The following KPNA3 variants were observed in gnomAD, a reference collection of about 807,000 sequenced individuals.
KPNA3 encodes the protein importin subunit alpha-4.
KPNA3 carries 13 observed loss-of-function variants against 73.8 expected under a neutral mutation model. The ratio of observed to expected loss-of-function variants is 0.18; its 90% CI spans 0.11 to 0.28. The LOEUF (loss-of-function observed/expected upper bound fraction) is 0.28, where lower values mean the gene tolerates loss of function less well. Among genes scored for constraint, KPNA3 ranks in the 10% least tolerant of loss-of-function variants. The pLI is 1.00. For synonymous variants in KPNA3, 186 were observed against 206.9 expected, an observed-to-expected ratio of 0.90 and a Z score of 0.87; for missense variants, 360 against 618.1, an observed-to-expected ratio of 0.58 and a Z score of 4.43.
At position 49,715,113 on chromosome 13, in the gene KPNA3, T is replaced by C. The variant is rs138358653; in HGVS notation, c.772-4091A>G. 3.9e-3 allele frequency among the ~76,000 whole-genome samples: 599 copies of C among 152,230 alleles called. 3 individuals are homozygous for C. Among genetic ancestry groups the C allele is most frequent in the African/African-American group, 0.014 (564 of 41,558 alleles). On this transcript the variant is annotated intron_variant, in intron 10 of 16. Coordinates refer to ENST00000261667, the MANE Select transcript of KPNA3 (RefSeq NM_002267.4). ...TGATAGAACACCCAAAAAAGGAATG[T>C]ATAGATATTTCTCTAACATAAAACA... is the stretch of plus-strand genomic sequence containing the variant.
intron 10 of KPNA3, among the ~76,000 whole-genome samples, chr13:49,713,297 A>AC (rs1954276319): frequency 6.7e-5 from 10 of 148,602 alleles, no homozygotes; most frequent in African/African-American, 2.5e-4. Flanking sequence ...GCAGAGAATA[A>AC]ACACACACAC....
At chr13:49,720,729 C>CAAA (rs10707385) in intron 9 of KPNA3, among the ~76,000 whole-genome samples, 7 of 87,980 alleles carry the variant, frequency 8.0e-5, no homozygotes, top group East Asian at 3.2e-4. Context: ...GAGACTGTCT[C>CAAA]AAAAAAAAAA....
rs371559302 is a variant in KPNA3 at position 49,770,373 on chromosome 13, A to G, written c.69+22065T>C. On this transcript the variant is annotated intron_variant, in intron 1 of 16. Coordinates refer to ENST00000261667, the MANE Select transcript of KPNA3 (RefSeq NM_002267.4). ...AAATTCTTTATAAAGACGAGGTCTC[A>G]CTACACTGTTTAGGCTGGTCTCGAA... is the stretch of plus-strand genomic sequence containing the variant. Among the ~76,000 whole-genome samples, 39 of 151,882 alleles carry G rather than the reference A, an allele frequency of 2.6e-4. 1 individual carries two copies. The highest frequency in any genetic ancestry group is 1.6e-3 in the Admixed American group (25 of 15,242).
intron 1 of KPNA3, among the ~76,000 whole-genome samples, chr13:49,747,793 A>G (rs75846949): frequency 2.4e-3 from 359 of 152,298 alleles, no homozygotes; most frequent in African/African-American, 8.3e-3. Context: ...TATTTACTGG[A>G]TATCTGTTGG....
In KPNA3 at chr13:49,792,528, C is replaced by T. The variant is rs758869042; in HGVS notation, c.-22G>A. The T allele has an allele frequency of 1.8e-5, 26 of 1,461,384 alleles. No individual in the cohort carries two copies. The highest frequency in any genetic ancestry group is 3.8e-5 in the Admixed American group (2 of 52,090). The allele number at this position is 1,461,384 out of a possible 1,614,324, so 90.5% of individuals were successfully genotyped here. A position where few individuals can be genotyped will look rare whatever the true frequency, so the allele number is the denominator to read the frequency against. On this transcript the variant is annotated 5_prime_UTR_variant, in exon 1 of 17. Transcript: ENST00000261667. Reference sequence around the variant, plus strand: ...CCATGGCTGCGCGCGGCTCCGGCGGCGGCTACTCCTGCGGCTGCGGCGGCG... The same window carrying T: ...CCATGGCTGCGCGCGGCTCCGGCGGTGGCTACTCCTGCGGCTGCGGCGGCG...
chr13:49,792,362 G>C, intron 1 of KPNA3, 76 bp downstream of exon 1: 1 of 1,023,216 alleles, frequency 9.8e-7, no homozygotes, highest in Non-Finnish European at 1.3e-6. Flanking sequence ...AACCAGCCCG[G>C]CGCCGGCCCC....
intron 2 of KPNA3, among the ~76,000 whole-genome samples, chr13:49,746,064 G>GAAAAAAA (rs398022733): frequency 1.7e-4 from 14 of 83,084 alleles, no homozygotes; most frequent in Non-Finnish European, 2.2e-4. Context: ...CTCTGCATCA[G>GAAAAAAA]AAAAAAAAAA....
At chr13:49,784,793 TA>T (rs1342264804) in intron 1 of KPNA3, among the ~76,000 whole-genome samples, 1 of 152,200 alleles carries the variant, frequency 6.6e-6, no homozygotes, top group African/African-American at 2.4e-5. Flanking sequence ...AGGAATATTT[TA>T]GTGCTTGCTT....
intron 1 of KPNA3, among the ~76,000 whole-genome samples, chr13:49,758,199 CAAT>C (rs1566353144): frequency 6.6e-6 from 1 of 152,044 alleles, no homozygotes; most frequent in Non-Finnish European, 1.5e-5. Flanking sequence ...AGATCACATA[CAAT>C]GATTATTTTA....
At chr13:49,735,365 G>A (rs528255909) in intron 2 of KPNA3, among the ~76,000 whole-genome samples, 6 of 152,084 alleles carry the variant, frequency 3.9e-5, no homozygotes, top group Admixed American at 1.3e-4. Flanking sequence ...CAGGTGATCC[G>A]CCCACCTCAG....
chr13:49,709,918 G>A lies in KPNA3; in HGVS notation c.904-218C>T, dbSNP rs143859872. The stretch of plus-strand genomic sequence containing the variant: ...AAAAAAAAAAATTGTGTGAAAATTG[G>A]TTGGAAAAAGATTCAAAAAATAAAA... On this transcript the variant is annotated intron_variant, in intron 11 of 16. Coordinates refer to ENST00000261667, the MANE Select transcript of KPNA3 (RefSeq NM_002267.4). Among the ~76,000 whole-genome samples the A allele has an allele frequency of 7.9e-5, 12 of 152,184 alleles. No individual in the cohort carries two copies. The East Asian group carries it at 2.3e-3, about 29-fold the overall frequency.
At chr13:49,703,468 C>CCG (rs1377014138) in intron 15 of KPNA3, among the ~76,000 whole-genome samples, 8 of 152,204 alleles carry the variant, frequency 5.3e-5, no homozygotes, top group Non-Finnish European at 8.8e-5. Flanking sequence ...GAGTGAGCCA[C>CCG]TGCACCCGGC....
At chr13:49,718,243 T>C (rs147677128) in intron 10 of KPNA3, among the ~76,000 whole-genome samples, 1 of 152,340 alleles carries the variant, frequency 6.6e-6, no homozygotes, top group African/African-American at 2.4e-5. Context: ...TTTCTTGACA[T>C]AAGTTCTTTC....
intron 10 of KPNA3, among the ~76,000 whole-genome samples, chr13:49,712,935 T>A (rs1954272915): frequency 6.9e-6 from 1 of 145,844 alleles, no homozygotes. Context: ...TTCAAATCAA[T>A]CTATCAACCT....
rs1202558296 is a variant in KPNA3, at chr13:49,782,996, T to C, written c.69+9442A>G. ...GCTGACAGTATCAAAAGAAAGCTGA[T>C]AGACCAAAAGCAAGGGAAGGACAAG... On this transcript the variant is annotated intron_variant, in intron 1 of 16. Transcript: ENST00000261667. Among the ~76,000 whole-genome samples, 5 of 151,948 alleles carry C rather than the reference T, an allele frequency of 3.3e-5. No individual in the cohort carries two copies. The East Asian group carries it at 9.6e-4, about 29-fold the overall frequency.
intron 1 of KPNA3, among the ~76,000 whole-genome samples, chr13:49,791,604 AAT>A (rs1429686088): frequency 6.6e-6 from 1 of 152,186 alleles, no homozygotes; most frequent in Non-Finnish European, 1.5e-5. Context: ...CTGTGTATCC[AAT>A]TTATTTTAGT....
intron 1 of KPNA3, among the ~76,000 whole-genome samples, chr13:49,761,298 G>T (rs1954757821): frequency 6.6e-6 from 1 of 152,096 alleles, no homozygotes; most frequent in Admixed American, 6.5e-5. Context: ...AGCCGAAGCT[G>T]GACTGTACTG....
At chr13:49,766,060 G>GATA (rs1260552550) in intron 1 of KPNA3, among the ~76,000 whole-genome samples, 1 of 152,106 alleles carries the variant, frequency 6.6e-6, no homozygotes, top group Non-Finnish European at 1.5e-5. Flanking sequence ...CTTATCTGTA[G>GATA]ATAACAGCAC....
intron 1 of KPNA3, among the ~76,000 whole-genome samples, chr13:49,770,817 T>C (rs1954847663): frequency 6.8e-6 from 1 of 147,918 alleles, no homozygotes; most frequent in Non-Finnish European, 1.5e-5. Context: ...TGAAAATCAA[T>C]TGACCTACCC....
Sources: gnomAD v4.1 joint callset for allele counts (sites outside exome capture counted in the v4.1 genomes callset) on GRCh38, gnomAD v4.1.1 for gene constraint, MANE v1.5 for transcripts, NCBI Gene and HGNC (gene_info 2026-07-23, HGNC 2026-07-21) for gene names.